Variants in ANO1 observed in about 807,000 individuals in gnomAD.
The protein encoded by ANO1 is anoctamin-1.
A neutral mutation model predicts 124.0 loss-of-function variants in ANO1; 59 were observed. The ratio of observed to expected loss-of-function variants is 0.48; its 90% CI spans 0.39 to 0.59. ANO1 has a LOEUF of 0.59. ANO1 is among the 20% of genes least tolerant of loss of function. ANO1 has a pLI of 0.00. For missense variants in ANO1, 1,059 were observed against 1,328.0 expected (o/e 0.80, Z 3.15); for synonymous variants, 529 against 532.0 (o/e 0.99, Z 0.08).
At chr11:70,036,155 A>G (rs1398092435) in intron 1 of ANO1, among the ~76,000 whole-genome samples, 2 of 152,154 alleles carry the variant, frequency 1.3e-5, no homozygotes, top group African/African-American at 2.4e-5. Flanking sequence ...CAAGGTGCCA[A>G]TCAGGCCACA....
chr11:70,156,433 A>G (rs912705571), intron 15 of ANO1, among the ~76,000 whole-genome samples: 6 of 152,110 alleles, frequency 3.9e-5, no homozygotes, highest in African/African-American at 1.2e-4. Flanking sequence ...GACCAAGCCA[A>G]CCCTGGGTTC....
intron 16 of ANO1, among the ~76,000 whole-genome samples, chr11:70,159,191 G>C (rs1471995805): frequency 4.6e-5 from 7 of 152,184 alleles, no homozygotes; most frequent in Non-Finnish European, 8.8e-5. Flanking sequence ...CATGGCTGCT[G>C]CACCTCCAGC....
intron 11 of ANO1, among the ~76,000 whole-genome samples, chr11:70,145,715 T>C (rs1448808875): frequency 6.6e-6 from 1 of 152,002 alleles, no homozygotes; most frequent in African/African-American, 2.4e-5. Context: ...GGCAGGCAGA[T>C]CACGTGAGGC....
At chr11:70,055,132 G>A (rs1555006675) in intron 1 of ANO1, among the ~76,000 whole-genome samples, 1 of 152,096 alleles carries the variant, frequency 6.6e-6, no homozygotes, top group African/African-American at 2.4e-5. Context: ...TCAGTCCTTT[G>A]AACTGTGTTG....
chr11:70,102,372 G>A (rs377744707), intron 2 of ANO1, among the ~76,000 whole-genome samples: 6 of 152,180 alleles, frequency 3.9e-5, no homozygotes, highest in African/African-American at 1.4e-4. Context: ...GCCAGCCAGC[G>A]CTCGGTGACT....
intron 1 of ANO1, among the ~76,000 whole-genome samples, chr11:70,038,708 A>T (rs1261076973): frequency 6.6e-6 from 1 of 152,148 alleles, no homozygotes; most frequent in African/African-American, 2.4e-5. Flanking sequence ...ACACATTTGG[A>T]TTCTCAGCAA....
chr11:70,063,396 C>A (rs1460507478), intron 1 of ANO1, among the ~76,000 whole-genome samples: 2 of 152,162 alleles, frequency 1.3e-5, no homozygotes, highest in Non-Finnish European at 2.9e-5. Flanking sequence ...AGACCAGTGA[C>A]CCTTCGGCAA....
At chr11:70,084,079 G>T (rs1057385816) in intron 1 of ANO1, among the ~76,000 whole-genome samples, 10 of 152,206 alleles carry the variant, frequency 6.6e-5, no homozygotes, top group East Asian at 3.9e-4. Flanking sequence ...GGGGGAGGGG[G>T]AGAGGAGACT....
chr11:69,970,837 A>G, the ANO1 span, among the ~76,000 whole-genome samples: 1 of 152,206 alleles, frequency 6.6e-6, no homozygotes, highest in South Asian at 2.1e-4. Flanking sequence ...CCGCCCTCCC[A>G]TGCTCAGCAC....
chr11:70,139,362 T>C (rs2135561956), intron 11 of ANO1, among the ~76,000 whole-genome samples: 1 of 150,684 alleles, frequency 6.6e-6, no homozygotes, highest in Non-Finnish European at 1.5e-5. Flanking sequence ...TCACTCTTGT[T>C]GTCCAGGCTG....
At chr11:70,027,243 C>G (rs1451740974) in intron 1 of ANO1, among the ~76,000 whole-genome samples, 1 of 152,178 alleles carries the variant, frequency 6.6e-6, no homozygotes. Context: ...TTGAGTATGC[C>G]TAACCCACCA....
intron 1 of ANO1, among the ~76,000 whole-genome samples, chr11:70,050,487 A>G (rs1857336022): frequency 6.6e-6 from 1 of 152,076 alleles, no homozygotes; most frequent in South Asian, 2.1e-4. Flanking sequence ...TCCTCCCTGT[A>G]GGCTTTTCCA....
At chr11:70,132,139 G>A (rs2046783197) in intron 11 of ANO1, 60 bp downstream of exon 11, 2 of 1,508,886 alleles carry the variant, frequency 1.3e-6, no homozygotes, top group Admixed American at 2.0e-5. Flanking sequence ...TGGTACCTAG[G>A]CTGCTTCTGT....
chr11:70,142,583 T>C (rs2047197150), intron 11 of ANO1, among the ~76,000 whole-genome samples: 1 of 151,634 alleles, frequency 6.6e-6, no homozygotes, highest in Non-Finnish European at 1.5e-5. Flanking sequence ...GGAAATGGAG[T>C]CTGCACTAAG....
rs1169630621 is a variant in ANO1, at chr11:69,994,348, CTGGGTGGATGGGTGGATGGA to C, written c.58+8193_58+8212del. ...AATTGGTGTGTTCATTCGCCTCTCCCTGGGTGGATGGGTGGATGGATGGGTGGATGAATGGATGGATGGGT... is the reference window on the plus strand; with the variant it reads ...AATTGGTGTGTTCATTCGCCTCTCCCTGGGTGGATGAATGGATGGATGGGT... On this transcript the variant is annotated intron_variant, in intron 1 of 27. Transcript: ENST00000531349. 1.0e-3 allele frequency among the ~76,000 whole-genome samples: 158 copies of C among 151,740 alleles called. 1 individual carries two copies. Among genetic ancestry groups the C allele is most frequent in the African/African-American group, 3.6e-3 (149 of 41,340 alleles).
intron 11 of ANO1, among the ~76,000 whole-genome samples, chr11:70,133,827 G>T (rs192883497): frequency 1.3e-5 from 2 of 152,210 alleles, no homozygotes; most frequent in African/African-American, 4.8e-5. Flanking sequence ...GCCGAGGTAT[G>T]TATCAGGTGA....
chr11:70,159,139 T>C (rs2047944177), intron 16 of ANO1, among the ~76,000 whole-genome samples: 2 of 152,162 alleles, frequency 1.3e-5, no homozygotes, highest in African/African-American at 4.8e-5. Context: ...TCTCTGACCT[T>C]CTGCTAGCCT....
chr11:70,121,449 T>C (rs1192067033), intron 8 of ANO1, among the ~76,000 whole-genome samples: 1 of 149,598 alleles, frequency 6.7e-6, no homozygotes, highest in East Asian at 2.0e-4. Context: ...TGTCTCTGTC[T>C]CTCCATCTGC....
rs1414573863 is a variant in ANO1, at chr11:70,080,863, G to T, written c.108+2149G>T. Among the ~76,000 whole-genome samples the T allele has an allele frequency of 2.0e-5, 3 of 152,238 alleles. No individual in the cohort carries two copies. The East Asian group carries it at 5.8e-4, about 29-fold the overall frequency. ...GGCTGGAGGCTGCAGCCATGGAGCA[G>T]GGGCCTGTTGGTGCAGGGCAGGCAG... On this transcript the variant is annotated intron_variant, in intron 1 of 25. Coordinates refer to ENST00000355303, the MANE Select transcript of ANO1 (RefSeq NM_018043.7).
Sources: allele counts gnomAD v4.1 joint callset (sites outside exome capture counted in the v4.1 genomes callset), GRCh38; gene constraint gnomAD v4.1.1; transcripts MANE v1.5; gene names NCBI Gene and HGNC (gene_info 2026-07-23, HGNC 2026-07-21).